Variants in PRIM2 observed in about 807,000 individuals in gnomAD.
PRIM2 encodes DNA primase large subunit.
A neutral mutation model predicts 67.3 loss-of-function variants in PRIM2; 39 were observed. That is an observed-to-expected ratio of 0.58 (90% CI 0.45 to 0.76). The LOEUF (loss-of-function observed/expected upper bound fraction) is 0.76, where lower values mean the gene tolerates loss of function less well. Among genes scored for constraint, PRIM2 ranks in the 30% least tolerant of loss-of-function variants. The pLI is 0.00. For synonymous variants in PRIM2, 143 were observed against 198.7 expected, an observed-to-expected ratio of 0.72 and a Z score of 2.36; for missense variants, 398 against 598.7, an observed-to-expected ratio of 0.66 and a Z score of 3.50.
At chr6:57,345,456 C>T (rs1768640566) in intron 5 of PRIM2, among the ~76,000 whole-genome samples, 1 of 139,132 alleles carries the variant, frequency 7.2e-6, no homozygotes, top group Non-Finnish European at 1.5e-5. Context: ...CGTGAGCCAC[C>T]ATGCCTGATA....
chr6:57,502,833 C>T (rs1774167257), intron 7 of PRIM2, among the ~76,000 whole-genome samples: 4 of 152,156 alleles, frequency 2.6e-5, no homozygotes, highest in African/African-American at 9.7e-5. Flanking sequence ...TAGTTTTGGG[C>T]TACTTGTTTC....
chr6:57,434,753 G>A (rs181683106), intron 7 of PRIM2, among the ~76,000 whole-genome samples: 1 of 151,676 alleles, frequency 6.6e-6, no homozygotes, highest in African/African-American at 2.4e-5. Flanking sequence ...AGAATCCTGG[G>A]TCTCTGCTCT....
At chr6:57,303,763 C>A in the PRIM2 span, among the ~76,000 whole-genome samples, 2 of 152,046 alleles carry the variant, frequency 1.3e-5, no homozygotes, top group African/African-American at 2.4e-5. Context: ...TTACAGGCAC[C>A]CGCCACCATG....
At chr6:57,631,106 A>G (rs1777031381) in intron 12 of PRIM2, among the ~76,000 whole-genome samples, 1 of 152,176 alleles carries the variant, frequency 6.6e-6, no homozygotes, top group African/African-American at 2.4e-5. Flanking sequence ...GTATTGTATA[A>G]TGCCTGTTCT....
chr6:57,574,415 G>T (rs1365639889), intron 10 of PRIM2, among the ~76,000 whole-genome samples: 4 of 152,120 alleles, frequency 2.6e-5, no homozygotes, highest in East Asian at 1.9e-4. Flanking sequence ...GCTTGTTTGT[G>T]TGTGCTGTTC....
At position 57,324,280 on chromosome 6, in the gene PRIM2, C is replaced by A. The variant is rs377400758; in HGVS notation, c.338C>A (p.Ser113Tyr). ...ATTTTGCGGCTTGCTTATTGCCAGT[C>A]GTAAGTATATGTTTATATTCTCACA... Reference protein sequence around the residue: ...HFILRLAYCQSEELRRWFIQQ... With the variant: ...HFILRLAYCQYEELRRWFIQQ... Residue 113 changes from serine (S) to tyrosine (Y), a missense_variant and splice_region_variant, in exon 4 of 14, where the codon TCT (serine) becomes TAT (tyrosine). Physicochemically the swap from Ser to Tyr is moderately radical, Grantham distance 144 (BLOSUM62 -2). Transcript: ENST00000615550. 7 of 1,572,336 alleles carry A rather than the reference C, an allele frequency of 4.5e-6. No homozygotes were observed. The Admixed American group carries it at 1.0e-4, about 24-fold the overall frequency.
At chr6:57,241,894 G>C in the PRIM2 span, among the ~76,000 whole-genome samples, 29 of 152,042 alleles carry the variant, frequency 1.9e-4, no homozygotes, top group Admixed American at 1.4e-3. Flanking sequence ...GGATGGTCTC[G>C]ATCTCCTGAC....
At chr6:57,494,762 AT>A (rs1773968930) in intron 7 of PRIM2, among the ~76,000 whole-genome samples, 1 of 152,280 alleles carries the variant, frequency 6.6e-6, no homozygotes, top group Non-Finnish European at 1.5e-5. Context: ...AAATATGTCT[AT>A]TTCATTTTCC....
the PRIM2 span, among the ~76,000 whole-genome samples, chr6:57,297,411 G>A: frequency 6.6e-6 from 1 of 152,108 alleles, no homozygotes; most frequent in East Asian, 1.9e-4. Context: ...TTGTGTTACT[G>A]CACTTCAGCC....
intron 10 of PRIM2, among the ~76,000 whole-genome samples, chr6:57,578,426 T>C (rs1372433667): frequency 6.6e-6 from 1 of 152,206 alleles, no homozygotes; most frequent in African/African-American, 2.4e-5. Context: ...TATTTTCTAT[T>C]TCCCCTATTC....
At chr6:57,340,964 G>A (rs1331101782) in intron 5 of PRIM2, among the ~76,000 whole-genome samples, 3 of 152,134 alleles carry the variant, frequency 2.0e-5, no homozygotes, top group Non-Finnish European at 2.9e-5. Flanking sequence ...TACTCTAGTT[G>A]CTTCTAGTCT....
intron 5 of PRIM2, among the ~76,000 whole-genome samples, chr6:57,360,246 T>A (rs543089661): frequency 6.6e-6 from 1 of 152,306 alleles, no homozygotes; most frequent in Non-Finnish European, 1.5e-5. Flanking sequence ...TAGAAAGAGG[T>A]ATAAATAAAT....
intron 3 of PRIM2, among the ~76,000 whole-genome samples, chr6:57,323,242 C>T (rs1481689645): frequency 6.6e-6 from 1 of 152,002 alleles, no homozygotes; most frequent in Non-Finnish European, 1.5e-5. Flanking sequence ...ATTATATTTT[C>T]CAAATTCCCA....
chr6:57,638,310 A>T (rs1200048462), intron 13 of PRIM2, among the ~76,000 whole-genome samples: 3 of 152,194 alleles, frequency 2.0e-5, no homozygotes, highest in Non-Finnish European at 4.4e-5. Context: ...CAAATTCTAA[A>T]GACTGTCGAC....
chr6:57,270,029 T>C, the PRIM2 span, among the ~76,000 whole-genome samples: 2 of 152,198 alleles, frequency 1.3e-5, no homozygotes, highest in East Asian at 1.9e-4. Flanking sequence ...TTTTGGTTAC[T>C]GTAGCCTTGT....
chr6:57,372,228 T>A (rs1049709102), intron 5 of PRIM2, among the ~76,000 whole-genome samples: 9 of 152,224 alleles, frequency 5.9e-5, no homozygotes, highest in African/African-American at 1.9e-4. Context: ...TGTCTTCCAT[T>A]GCTTTTAATG....
intron 7 of PRIM2, among the ~76,000 whole-genome samples, chr6:57,456,141 C>G (rs1009288168): frequency 6.6e-6 from 1 of 152,182 alleles, no homozygotes. Context: ...TGTAGAGTTT[C>G]TGCCGAGAGA....
chr6:57,578,070 G>A (rs1398534761), intron 10 of PRIM2, among the ~76,000 whole-genome samples: 1 of 152,078 alleles, frequency 6.6e-6, no homozygotes, highest in African/African-American at 2.4e-5. Context: ...AAGGATACTG[G>A]TTACTTTGGG....
chr6:57,396,706 G>A (rs1425295717), intron 7 of PRIM2, among the ~76,000 whole-genome samples: 1 of 152,088 alleles, frequency 6.6e-6, no homozygotes, highest in Non-Finnish European at 1.5e-5. Context: ...TTTGTTGCTT[G>A]TATATCTTGG....
Sources: gnomAD v4.1 joint callset for allele counts (sites outside exome capture counted in the v4.1 genomes callset) on GRCh38, gnomAD v4.1.1 for gene constraint, MANE v1.5 for transcripts, NCBI Gene and HGNC (gene_info 2026-07-23, HGNC 2026-07-21) for gene names.